The following MICALL2 variants were observed in gnomAD, a reference collection of about 807,000 sequenced individuals.
The protein encoded by MICALL2 is MICAL like 2.
A neutral mutation model predicts 91.1 loss-of-function variants in MICALL2; 111 were observed. That is an observed-to-expected ratio of 1.22 (90% CI 1.04 to 1.43). The LOEUF (loss-of-function observed/expected upper bound fraction) is 1.43. Among genes scored for constraint, MICALL2 ranks in the 40% most tolerant of loss-of-function variants. The probability of loss-of-function intolerance (pLI) is 0.00; values close to 1 mark genes in which losing one functional copy is unlikely to be tolerated. For synonymous variants in MICALL2, 694 were observed against 525.3 expected (o/e 1.32, Z -4.39); for missense variants, 1,556 against 1,236.0 (o/e 1.26, Z -3.88).
chr7:1,442,610 A>G (rs897218521), intron 6 of MICALL2, 126 bp from the exon 7 acceptor site: 2 of 933,066 alleles, frequency 2.1e-6, no homozygotes, highest in East Asian at 2.6e-5. Context: ...GACTCCCACC[A>G]TCACCCCAGG....
intron 7 of MICALL2, 63 bp from the exon 8 acceptor site, chr7:1,440,747 G>A: frequency 1.4e-6 from 2 of 1,417,860 alleles, no homozygotes. Flanking sequence ...TGTCTGCAAG[G>A]GTGGCTGTGC....
rs934177289 is a variant in MICALL2, at chr7:1,437,308, C to A, written c.2476+227G>T. The A allele has an allele frequency of 1.4e-5, 7 of 499,490 alleles. 1 individual carries two copies. The South Asian group carries it at 1.9e-4, about 14-fold the overall frequency. 30.9% of individuals were successfully genotyped at this position (499,490 alleles called of 1,614,324 possible). A position where few individuals can be genotyped will look rare whatever the true frequency, so the allele number is the denominator to read the frequency against. ...TGCGTGAGGTGGGTGCTACAAGCAT[C>A]CTCACTTTGCAGAGGATGAAACCCA... On this transcript the variant is annotated intron_variant, in intron 14 of 16. Transcript: ENST00000297508.
chr7:1,450,741 G>A (rs2128524617), intron 1 of MICALL2, among the ~76,000 whole-genome samples: 1 of 152,326 alleles, frequency 6.6e-6, no homozygotes, highest in African/African-American at 2.4e-5. Flanking sequence ...CCCAGGGCAG[G>A]GGACGGCACC....
At chr7:1,437,189 AC>A in intron 14 of MICALL2, 1 of 484,122 alleles carries the variant, frequency 2.1e-6, no homozygotes, top group Non-Finnish European at 3.6e-6. Flanking sequence ...CAGCCAGGGC[AC>A]CCTGCATCAC....
chr7:1,445,371 C>A lies in MICALL2; in HGVS notation c.699G>T (p.Pro233=). The part of the protein sequence containing the change: ...HSGAYKATGE[P]GTFVCTSHLP... ...GGTGGCTGGTGCAGACGAAGGTGCC[C>A]GGCTCTCCTGTGGCCTTGTAGGCCC... Residue 233 remains proline, a synonymous_variant, in exon 6 of 17, where the codon CCG becomes CCT. Coordinates refer to ENST00000297508, the MANE Select transcript of MICALL2 (RefSeq NM_182924.4). 6.3e-7 allele frequency: 1 copy of A among 1,587,096 alleles called. No individual in the cohort carries two copies. The highest frequency in any genetic ancestry group is 1.7e-5 in the Admixed American group (1 of 57,624).
At chr7:1,454,713 AG>A (rs893890845) in intron 1 of MICALL2, among the ~76,000 whole-genome samples, 29 of 152,100 alleles carry the variant, frequency 1.9e-4, no homozygotes, top group African/African-American at 6.8e-4. Context: ...GTGGGAGAGG[AG>A]GTCAGCCCAC....
At chr7:1,438,553 AC>A in intron 10 of MICALL2, 200 bp from the exon 11 acceptor site, 4 of 1,426,380 alleles carry the variant, frequency 2.8e-6, no homozygotes, top group Non-Finnish European at 3.7e-6. Flanking sequence ...CCCACCCTGC[AC>A]CCTGCCCTCC....
At chr7:1,442,586 C>G (rs1042010812) in intron 6 of MICALL2, 102 bp from the exon 7 acceptor site, 1 of 1,197,422 alleles carries the variant, frequency 8.4e-7, no homozygotes, top group East Asian at 2.5e-5. Context: ...CTCCCAATGC[C>G]CAGCCTCCGG....
chr7:1,438,082 G>C lies in MICALL2; in HGVS notation c.2311+15C>G. ...TGGGAGTCGGGCTGGCCCAGGGCCA[G>C]GCCGAGGCGCTCACCTCCCTCGGCC... On this transcript the variant is annotated intron_variant, in intron 12 of 16. Transcript: ENST00000297508. 1 of 1,571,356 alleles carries C rather than the reference G, an allele frequency of 6.4e-7. No individual in the cohort carries two copies. Among genetic ancestry groups the C allele is most frequent in the Non-Finnish European group, 8.6e-7 (1 of 1,159,710 alleles).
At chr7:1,436,669 G>T in intron 15 of MICALL2, 73 bp downstream of exon 15, 1 of 1,158,024 alleles carries the variant, frequency 8.6e-7, no homozygotes. Flanking sequence ...GGGGCTGGCT[G>T]ACCCTGAGGG....
intron 6 of MICALL2, among the ~76,000 whole-genome samples, chr7:1,442,828 C>A (rs1780373601): frequency 6.6e-6 from 1 of 152,302 alleles, no homozygotes; most frequent in South Asian, 2.1e-4. Context: ...ATTAAAATAT[C>A]CACCCCCTAA....
At chr7:1,439,108 T>C (rs1271541134) in intron 9 of MICALL2, 113 bp from the exon 10 acceptor site, 1 of 834,924 alleles carries the variant, frequency 1.2e-6, no homozygotes. Flanking sequence ...CCCCATGCCC[T>C]GGGCCTCCCG....
At chr7:1,444,245 C>G (rs1316600425) in intron 6 of MICALL2, among the ~76,000 whole-genome samples, 1 of 138,034 alleles carries the variant, frequency 7.2e-6, no homozygotes, top group Non-Finnish European at 1.5e-5. Context: ...GACCCGCCAG[C>G]GTGGGTCCCG....
At chr7:1,439,286 CAG>C (rs1359041076) in intron 9 of MICALL2, 2 of 428,002 alleles carry the variant, frequency 4.7e-6, no homozygotes, top group African/African-American at 4.0e-5. Flanking sequence ...GGAATACACA[CAG>C]AGATGTGTGT....
chr7:1,457,572 A>G (rs1055005597), intron 1 of MICALL2, among the ~76,000 whole-genome samples: 3 of 152,198 alleles, frequency 2.0e-5, no homozygotes, highest in African/African-American at 7.2e-5. Context: ...GGTACTCAAT[A>G]ACTGTCAGTG....
chr7:1,441,792 C>T (rs545267507), intron 7 of MICALL2: 162 of 246,698 alleles, frequency 6.6e-4, no homozygotes, highest in African/African-American at 3.5e-3. Context: ...AACAGCGCGA[C>T]GTTGTCAAAG....
Position 1,434,477 on chromosome 7 carries a change from G to T in MICALL2, c.*119C>A. On this transcript the variant is annotated 3_prime_UTR_variant, in exon 17 of 17. Transcript: ENST00000297508. ...TCCCGAGTCCAAGTCCGAATGCCGG[G>T]TCCGGGCCGAGCCCACGGCCCCGAG... The T allele has an allele frequency of 1.1e-6, 1 of 888,882 alleles. No homozygotes were observed. The highest frequency in any genetic ancestry group is 1.9e-6 in the Non-Finnish European group (1 of 533,974). The allele number at this position is 888,882 out of a possible 1,614,324, so 55.1% of individuals were successfully genotyped here. A position where few individuals can be genotyped will look rare whatever the true frequency, so the allele number is the denominator to read the frequency against.
chr7:1,441,619 G>C (rs1780281771), intron 7 of MICALL2: 1 of 158,744 alleles, frequency 6.3e-6, no homozygotes, highest in Middle Eastern at 3.3e-3. Flanking sequence ...CCACCGGGGG[G>C]GACGGAGCAC....
chr7:1,456,378 G>GAGTT (rs1196442173), intron 1 of MICALL2, among the ~76,000 whole-genome samples: 1 of 152,186 alleles, frequency 6.6e-6, no homozygotes, highest in African/African-American at 2.4e-5. Context: ...TTGAGGTCAG[G>GAGTT]AGTTACACAC....
Sources: allele counts gnomAD v4.1 joint callset (sites outside exome capture counted in the v4.1 genomes callset), GRCh38; gene constraint gnomAD v4.1.1; transcripts MANE v1.5; gene names NCBI Gene and HGNC (gene_info 2026-07-23, HGNC 2026-07-21).